Variants in TDRP observed in about 807,000 individuals in gnomAD.
The protein encoded by TDRP is testis development related protein.
In TDRP, 12 loss-of-function variants were observed where a neutral mutation model predicts 10.5. That is an observed-to-expected ratio of 1.15 (90% CI 0.73 to 1.86). The LOEUF is 1.86. TDRP is among the 40% of genes most tolerant of loss of function. The pLI, the probability that TDRP is intolerant of heterozygous loss-of-function variation, is 0.00. For synonymous variants in TDRP, 139 were observed against 95.4 expected, an observed-to-expected ratio of 1.46 and a Z score of -2.67; for missense variants, 353 against 229.2, an observed-to-expected ratio of 1.54 and a Z score of -3.49.
intron 1 of TDRP, among the ~76,000 whole-genome samples, chr8:532,787 A>G (rs549695418): frequency 6.6e-6 from 1 of 152,342 alleles, no homozygotes; most frequent in South Asian, 2.1e-4. Flanking sequence ...ACTAAGGGTC[A>G]GCAAATAACG....
intron 1 of TDRP, chr8:494,965 C>A (rs1440625450): frequency 1.8e-5 from 3 of 166,322 alleles, no homozygotes; most frequent in Admixed American, 1.2e-4. Context: ...GGCATGGTGG[C>A]GCATACCTGA....
In TDRP at chr8:492,496, T is replaced by TTGGCAGAGC; in HGVS notation, c.452_460dup (p.Ser151_Ala153dup). The TTGGCAGAGC allele has an allele frequency of 6.2e-7, 1 of 1,610,758 alleles. No individual in the cohort carries two copies. Among genetic ancestry groups the TTGGCAGAGC allele is most frequent in the Non-Finnish European group, 8.5e-7 (1 of 1,178,106 alleles). On this transcript the variant is annotated inframe_insertion, in exon 3 of 3. Coordinates refer to ENST00000324079, the MANE Select transcript of TDRP (RefSeq NM_001384899.1). ...CGCGCGCAGGCTCCACCTGGAGCTGTTGGCAGAGCTGGCCAGGCTGGTGTA... is the reference window on the plus strand; with the variant it reads ...CGCGCGCAGGCTCCACCTGGAGCTGTTGGCAGAGCTGGCAGAGCTGGCCAGGCTGGTGTA...
intron 1 of TDRP, among the ~76,000 whole-genome samples, chr8:510,960 G>T (rs971085659): frequency 6.6e-6 from 1 of 152,034 alleles, no homozygotes; most frequent in Non-Finnish European, 1.5e-5. Flanking sequence ...AAAAGATGAG[G>T]GTAGAAGCAA....
At chr8:527,074 A>G (rs1025011077) in intron 1 of TDRP, among the ~76,000 whole-genome samples, 3 of 152,186 alleles carry the variant, frequency 2.0e-5, no homozygotes, top group African/African-American at 7.2e-5. Flanking sequence ...CCAAAAGGCT[A>G]TTAAAACTAA....
rs1458280805 is a variant in TDRP, at chr8:540,808, A to T, written c.108+3842T>A. Among the ~76,000 whole-genome samples the T allele has an allele frequency of 7.4e-4, 8 of 10,836 alleles. No individual in the cohort carries two copies. In the Admixed American group the frequency reaches 8.1e-3, roughly 11 times the overall value. The allele number at this position is 10,836 out of a possible 152,430, so 7.1% of individuals were successfully genotyped here. ...CTAATATTATCTACTTTTTCACGTA[A>T]AAAAAAAAAAAAAAAAAAAGGTGTG... On this transcript the variant is annotated intron_variant, in intron 1 of 2. Coordinates refer to ENST00000324079, the MANE Select transcript of TDRP (RefSeq NM_001384899.1).
At position 496,162 on chromosome 8, in the gene TDRP, C is replaced by T. The variant is rs533436261; in HGVS notation, c.109-1565G>A. 5.3e-5 allele frequency among the ~76,000 whole-genome samples: 8 copies of T among 152,324 alleles called. No homozygotes were observed. In the South Asian group the frequency reaches 1.5e-3, roughly 28 times the overall value. ...CATCACAGCAAAAAACACTGAGCAT[C>T]AGGTATCAGCTTTCCACATCACACA... is the stretch of plus-strand genomic sequence containing the variant. On this transcript the variant is annotated intron_variant, in intron 1 of 2. Transcript: ENST00000324079.
At chr8:510,835 A>T (rs1298395992) in intron 1 of TDRP, among the ~76,000 whole-genome samples, 1 of 152,234 alleles carries the variant, frequency 6.6e-6, no homozygotes, top group Non-Finnish European at 1.5e-5. Flanking sequence ...TATAAAATAC[A>T]GTACAGATAC....
intron 1 of TDRP, among the ~76,000 whole-genome samples, chr8:505,989 G>C (rs1486997555): frequency 1.3e-5 from 2 of 152,124 alleles, no homozygotes; most frequent in African/African-American, 4.8e-5. Flanking sequence ...CTGGAAATGT[G>C]GGCATGGACA....
intron 1 of TDRP, among the ~76,000 whole-genome samples, chr8:514,057 C>A (rs1801689196): frequency 6.6e-6 from 1 of 152,170 alleles, no homozygotes; most frequent in Admixed American, 6.5e-5. Flanking sequence ...ACCCCTATCA[C>A]AATACCAGCT....
Position 499,529 on chromosome 8 carries a change from C to T in TDRP, c.109-4932G>A, listed in dbSNP as rs188732077. Among the ~76,000 whole-genome samples, 245 of 152,270 alleles carry T rather than the reference C, an allele frequency of 1.6e-3. 1 individual carries two copies. Among genetic ancestry groups the T allele is most frequent in the African/African-American group, 5.5e-3 (229 of 41,554 alleles). ...CCTGAGCCCCTGCTCTAACATGCAC[C>T]TCCATGGAGAACAAGTAAGGGAATC... is the stretch of plus-strand genomic sequence containing the variant. On this transcript the variant is annotated intron_variant, in intron 1 of 2. Coordinates refer to ENST00000324079, the MANE Select transcript of TDRP (RefSeq NM_001384899.1).
chr8:518,937 T>C (rs533622485), intron 1 of TDRP, among the ~76,000 whole-genome samples: 1 of 152,314 alleles, frequency 6.6e-6, no homozygotes, highest in East Asian at 1.9e-4. Context: ...ATTTACTGCC[T>C]TTCGTACACT....
chr8:514,612 C>T (rs755042323), intron 1 of TDRP, among the ~76,000 whole-genome samples: 2 of 152,148 alleles, frequency 1.3e-5, no homozygotes, highest in Non-Finnish European at 2.9e-5. Flanking sequence ...AACCATGTGG[C>T]CACAAAACCA....
chr8:507,094 G>C (rs1373441575), intron 1 of TDRP, among the ~76,000 whole-genome samples: 2 of 152,138 alleles, frequency 1.3e-5, no homozygotes, highest in Admixed American at 1.3e-4. Flanking sequence ...TTCTTCACAA[G>C]GCAGCAGGAG....
intron 1 of TDRP, among the ~76,000 whole-genome samples, chr8:497,025 A>T (rs554321735): frequency 6.6e-6 from 1 of 152,230 alleles, no homozygotes; most frequent in African/African-American, 2.4e-5. Flanking sequence ...TAAATTATGC[A>T]GTCTCAGGTA....
intron 1 of TDRP, among the ~76,000 whole-genome samples, chr8:534,326 G>A (rs143343949): frequency 2.9e-4 from 44 of 152,314 alleles, no homozygotes; most frequent in African/African-American, 1.0e-3. Flanking sequence ...GCTGTTAAGG[G>A]AAACACAAGG....
intron 1 of TDRP, among the ~76,000 whole-genome samples, chr8:497,794 G>A (rs1029804977): frequency 6.6e-6 from 1 of 152,188 alleles, no homozygotes; most frequent in Non-Finnish European, 1.5e-5. Context: ...GCCAGGCCCA[G>A]GGTCCTGCTT....
At chr8:536,959 A>G (rs894498244) in intron 1 of TDRP, among the ~76,000 whole-genome samples, 2 of 152,152 alleles carry the variant, frequency 1.3e-5, no homozygotes, top group African/African-American at 4.8e-5. Context: ...CTCAGCTCAT[A>G]TGAGAGTCCA....
chr8:544,874 C>A (rs893063323), upstream of TDRP: 2 of 661,230 alleles, frequency 3.0e-6, no homozygotes, highest in Non-Finnish European at 4.2e-6. Context: ...GTGGGCCGGG[C>A]GGGGCTAGGC....
At chr8:539,383 A>T (rs544705597) in intron 1 of TDRP, among the ~76,000 whole-genome samples, 47 of 152,320 alleles carry the variant, frequency 3.1e-4, no homozygotes, top group African/African-American at 1.1e-3. Context: ...TAAAACTTCC[A>T]GCCTCTGGAA....
Sources: gnomAD v4.1 joint callset for allele counts (sites outside exome capture counted in the v4.1 genomes callset) on GRCh38, gnomAD v4.1.1 for gene constraint, MANE v1.5 for transcripts, NCBI Gene and HGNC (gene_info 2026-07-23, HGNC 2026-07-21) for gene names.